Variants in DGKB observed in about 807,000 individuals in gnomAD.
DGKB encodes the protein 90 kDa diacylglycerol kinase.
DGKB carries 67 observed loss-of-function variants against 114.3 expected under a neutral mutation model. The observed-to-expected ratio is 0.59, with a 90% confidence interval of 0.48 to 0.72. DGKB has a LOEUF of 0.72. Among genes scored for constraint, DGKB ranks in the 30% least tolerant of loss-of-function variants. The probability of loss-of-function intolerance (pLI) is 0.00; values close to 1 mark genes in which losing one functional copy is unlikely to be tolerated. For synonymous variants in DGKB, 398 were observed against 323.1 expected (o/e 1.23, Z -2.49); for missense variants, 907 against 975.2 (o/e 0.93, Z 0.93).
chr7:14,331,603 TG>T (rs1390366092), intron 23 of DGKB, among the ~76,000 whole-genome samples: 1 of 152,028 alleles, frequency 6.6e-6, no homozygotes, highest in Non-Finnish European at 1.5e-5. Flanking sequence ...TACAATTATC[TG>T]GGAAATATAA....
intron 10 of DGKB, 130 bp downstream of exon 10, chr7:14,685,115 A>G: frequency 2.0e-6 from 1 of 502,902 alleles, no homozygotes. Context: ...CACTACAGGA[A>G]AATATAAATC....
At chr7:14,574,051 T>C (rs972126159) in intron 20 of DGKB, among the ~76,000 whole-genome samples, 161 bp downstream of exon 20, 26 of 152,154 alleles carry the variant, frequency 1.7e-4, no homozygotes, top group African/African-American at 6.3e-4. Flanking sequence ...ATAATAATGA[T>C]AGTCATTAGA....
chr7:14,339,763 G>T (rs1811303863), intron 22 of DGKB, among the ~76,000 whole-genome samples: 1 of 151,852 alleles, frequency 6.6e-6, no homozygotes, highest in Non-Finnish European at 1.5e-5. Flanking sequence ...TAAGCGCTTT[G>T]TTTTTAAAAG....
intron 4 of DGKB, among the ~76,000 whole-genome samples, 185 bp from the exon 5 acceptor site, chr7:14,736,379 T>C (rs1365238559): frequency 6.6e-6 from 1 of 152,206 alleles, no homozygotes; most frequent in Non-Finnish European, 1.5e-5. Context: ...CAATGGGATA[T>C]GTTTGTCTTA....
chr7:14,244,708 A>T (rs964426695), intron 23 of DGKB, among the ~76,000 whole-genome samples: 2 of 120,424 alleles, frequency 1.7e-5, no homozygotes, highest in South Asian at 2.7e-4. Flanking sequence ...TGCCTTTGGG[A>T]GTTGATTAGG....
intron 2 of DGKB, among the ~76,000 whole-genome samples, chr7:14,766,378 G>A (rs931183811): frequency 6.6e-6 from 1 of 151,858 alleles, no homozygotes; most frequent in Non-Finnish European, 1.5e-5. Context: ...TTTGAAAGTA[G>A]AGCCAAAAGA....
Position 14,489,555 on chromosome 7 carries a change from C to T in DGKB, c.1771-11330G>A, listed in dbSNP as rs17168222. ...GTGTTCAGTGATTTGATATAATTTC[C>T]GAAAATCTGCAAAGAAAGACTTATC... On this transcript the variant is annotated intron_variant, in intron 20 of 25. Coordinates refer to ENST00000402815, the MANE Select transcript of DGKB (RefSeq NM_001350709.2). 7.2e-3 allele frequency among the ~76,000 whole-genome samples: 1,091 copies of T among 152,182 alleles called. 8 individuals carry two copies. Among genetic ancestry groups the T allele is most frequent in the South Asian group, 0.027 (128 of 4,822 alleles).
intron 1 of DGKB, among the ~76,000 whole-genome samples, chr7:14,854,491 C>A (rs538109865): frequency 6.6e-6 from 1 of 152,304 alleles, no homozygotes; most frequent in Non-Finnish European, 1.5e-5. Flanking sequence ...TGGGATGAAA[C>A]TGTTCCACCT....
intron 23 of DGKB, among the ~76,000 whole-genome samples, chr7:14,281,456 A>G (rs887772451): frequency 1.6e-4 from 23 of 144,814 alleles, no homozygotes; most frequent in Non-Finnish European, 2.8e-4. Context: ...GATCAATGAG[A>G]CAGAAAGTCA....
At chr7:14,737,206 G>A (rs1489682787) in intron 4 of DGKB, among the ~76,000 whole-genome samples, 1 of 151,126 alleles carries the variant, frequency 6.6e-6, no homozygotes, top group Non-Finnish European at 1.5e-5. Flanking sequence ...CTACAGAGAA[G>A]AGGCTGGAAT....
At chr7:14,392,091 T>A (rs573318546) in intron 21 of DGKB, among the ~76,000 whole-genome samples, 18 of 152,310 alleles carry the variant, frequency 1.2e-4, no homozygotes, top group African/African-American at 3.4e-4. Flanking sequence ...TATGTCTGCA[T>A]AACCTGACAA....
At position 14,241,929 on chromosome 7, in the gene DGKB, C is replaced by A. The variant is rs1425926778; in HGVS notation, c.2123-63778G>T. On this transcript the variant is annotated intron_variant, in intron 23 of 25. Transcript: ENST00000402815. ...TTGCATCAAGATATATACACACACA[C>A]ACATATAGATATATACACACACACA... Among the ~76,000 whole-genome samples the A allele has an allele frequency of 2.1e-5, 3 of 146,236 alleles. No homozygotes were observed. The East Asian group carries it at 6.0e-4, about 29-fold the overall frequency.
chr7:14,208,664 G>A (rs181631377), intron 23 of DGKB, among the ~76,000 whole-genome samples: 2 of 151,864 alleles, frequency 1.3e-5, no homozygotes, highest in East Asian at 1.9e-4. Context: ...TTAATTTTAC[G>A]ACAGTTAAAG....
Position 14,885,759 on chromosome 7 carries a change from T to A in DGKB, c.-188+16833A>T, listed in dbSNP as rs564550799. On this transcript the variant is annotated intron_variant, in intron 1 of 25. Transcript: ENST00000402815. ...CATTTAAATGAGTTGCTATTATTAATCCCATTTGAAAAACTGAACATTGTG... is the reference window on the plus strand; with the variant it reads ...CATTTAAATGAGTTGCTATTATTAAACCCATTTGAAAAACTGAACATTGTG... Among the ~76,000 whole-genome samples the A allele has an allele frequency of 6.6e-5, 10 of 151,990 alleles. No homozygotes were observed. In the South Asian group the frequency reaches 1.9e-3, roughly 28 times the overall value.
intron 23 of DGKB, among the ~76,000 whole-genome samples, chr7:14,240,609 A>C (rs932299841): frequency 6.6e-6 from 1 of 152,008 alleles, no homozygotes; most frequent in Non-Finnish European, 1.5e-5. Context: ...AAACATCAGA[A>C]AGTGCTCCCT....
intron 23 of DGKB, among the ~76,000 whole-genome samples, chr7:14,264,950 T>TA (rs1314591015): frequency 1.3e-5 from 2 of 152,138 alleles, no homozygotes; most frequent in East Asian, 3.8e-4. Flanking sequence ...TTACCAGAAG[T>TA]AGGGCTTTGC....
intron 6 of DGKB, among the ~76,000 whole-genome samples, chr7:14,705,144 A>G (rs1296760830): frequency 6.6e-6 from 1 of 151,918 alleles, no homozygotes; most frequent in Non-Finnish European, 1.5e-5. Flanking sequence ...GGAGCTGAAA[A>G]CCAAGGCTCG....
At chr7:14,236,766 G>C (rs1792852600) in intron 23 of DGKB, among the ~76,000 whole-genome samples, 1 of 151,848 alleles carries the variant, frequency 6.6e-6, no homozygotes, top group African/African-American at 2.4e-5. Flanking sequence ...ACACATGAAA[G>C]CCATTTTAAT....
chr7:14,591,953 C>A (rs1801773567), intron 17 of DGKB, among the ~76,000 whole-genome samples: 1 of 151,820 alleles, frequency 6.6e-6, no homozygotes, highest in Non-Finnish European at 1.5e-5. Flanking sequence ...TGGAAAGTGT[C>A]ATAAATCAGA....
Sources: gnomAD v4.1 joint callset for allele counts (sites outside exome capture counted in the v4.1 genomes callset) on GRCh38, gnomAD v4.1.1 for gene constraint, MANE v1.5 for transcripts, NCBI Gene and HGNC (gene_info 2026-07-23, HGNC 2026-07-21) for gene names.